Variants in IGDCC3 observed in about 807,000 individuals in gnomAD.
IGDCC3 encodes immunoglobulin superfamily DCC subclass member 3.
IGDCC3 carries 47 observed loss-of-function variants against 72.0 expected under a neutral mutation model. That is an observed-to-expected ratio of 0.65 (90% CI 0.52 to 0.83). The LOEUF (loss-of-function observed/expected upper bound fraction) is 0.83, where lower values mean the gene tolerates loss of function less well. Ranked by LOEUF, IGDCC3 falls within the 40% of genes least tolerant of loss-of-function variation. The pLI, the probability that IGDCC3 is intolerant of heterozygous loss-of-function variation, is 0.00. For missense variants in IGDCC3, 1,038 were observed against 1,091.3 expected, an observed-to-expected ratio of 0.95 and a Z score of 0.69; for synonymous variants, 477 against 472.8, an observed-to-expected ratio of 1.01 and a Z score of -0.11.
At chr15:65,330,790 A>ATCTT (rs1353543522) in intron 9 of IGDCC3, 49 bp from the exon 10 acceptor site, 1 of 1,451,568 alleles carries the variant, frequency 6.9e-7, no homozygotes. Flanking sequence ...TGGAAGCTCT[A>ATCTT]TCTTTCTACC....
intron 2 of IGDCC3, among the ~76,000 whole-genome samples, chr15:65,365,540 A>T (rs544112720): frequency 6.6e-6 from 1 of 152,118 alleles, no homozygotes; most frequent in South Asian, 2.1e-4. Context: ...ACAGGCCCCA[A>T]CCAGGGTTGG....
Position 65,335,941 on chromosome 15 carries a change from T to C in IGDCC3, c.425A>G (p.His142Arg). 1 of 1,614,134 alleles carries C rather than the reference T, an allele frequency of 6.2e-7. No individual in the cohort carries two copies. Among genetic ancestry groups the C allele is most frequent in the South Asian group, 1.1e-5 (1 of 91,090 alleles). ...ACCCACGGTGGCCTGGGGATGCACG[T>C]GGAAGTCCGACATGGCTGGGGGAAG... is the stretch of plus-strand genomic sequence containing the variant. ...RIQAATMSDF[H>R]VHPQATVGEE... Residue 142 changes from histidine to arginine, a missense_variant, in exon 3 of 14, where the codon CAC (histidine) becomes CGC (arginine). Coordinates refer to ENST00000327987, the MANE Select transcript of IGDCC3 (RefSeq NM_004884.4).
intron 2 of IGDCC3, among the ~76,000 whole-genome samples, chr15:65,366,100 C>T (rs566090660): frequency 4.7e-5 from 7 of 150,254 alleles, no homozygotes; most frequent in South Asian, 2.1e-4. Context: ...CCCAGCTACT[C>T]GGGAGGCTGA....
At chr15:65,334,614 C>G in intron 5 of IGDCC3, 114 bp downstream of exon 5, 1 of 1,001,846 alleles carries the variant, frequency 1.0e-6, no homozygotes, top group Non-Finnish European at 1.4e-6. Flanking sequence ...TGGACCCCCA[C>G]AGAGAACAAA....
chr15:65,367,667 C>T (rs1416847733), intron 2 of IGDCC3, among the ~76,000 whole-genome samples: 2 of 152,040 alleles, frequency 1.3e-5, no homozygotes, highest in Admixed American at 6.6e-5. Context: ...AGGGCTTGCC[C>T]CACTCCTCTC....
chr15:65,353,969 G>A (rs572712284), intron 2 of IGDCC3, among the ~76,000 whole-genome samples: 3 of 152,120 alleles, frequency 2.0e-5, no homozygotes, highest in African/African-American at 7.2e-5. Context: ...GCAGTGGCGC[G>A]ATCTCAGTTC....
chr15:65,353,966 C>T (rs1325424829), intron 2 of IGDCC3, among the ~76,000 whole-genome samples: 3 of 152,134 alleles, frequency 2.0e-5, no homozygotes, highest in African/African-American at 4.8e-5. Context: ...AGTGCAGTGG[C>T]GCGATCTCAG....
At chr15:65,376,645 G>GC (rs1476427960) in intron 1 of IGDCC3, among the ~76,000 whole-genome samples, 12 of 136,380 alleles carry the variant, frequency 8.8e-5, no homozygotes, top group Non-Finnish European at 1.7e-4. Flanking sequence ...AAGATGTAAT[G>GC]TTTTAAGACT....
chr15:65,330,962 C>T lies in IGDCC3; in HGVS notation c.1561+88G>A, dbSNP rs368775282. On this transcript the variant is annotated intron_variant, in intron 9 of 13. Coordinates refer to ENST00000327987, the MANE Select transcript of IGDCC3 (RefSeq NM_004884.4). The stretch of plus-strand genomic sequence containing the variant: ...CCTCAGGGCCGGGCACCCTGCACAG[C>T]GCACAACCAGAACAAGTGTGCATGG... 2.0e-5 allele frequency: 30 copies of T among 1,484,920 alleles called. No individual in the cohort carries two copies. The East Asian group carries it at 2.0e-4, about 10-fold the overall frequency. 92.0% of individuals were successfully genotyped at this position (1,484,920 alleles called of 1,614,324 possible). A position where few individuals can be genotyped will look rare whatever the true frequency, so the allele number is the denominator to read the frequency against.
intron 2 of IGDCC3, chr15:65,355,678 C>CCCCAAAA: frequency 3.3e-6 from 1 of 299,226 alleles, no homozygotes; most frequent in Admixed American, 3.3e-5. Flanking sequence ...GCCCCTCCCG[C>CCCCAAAA]ATAGCAATAG....
In IGDCC3 at chr15:65,377,765, A is replaced by G; in HGVS notation, c.24T>C (p.Ser8=). 7.7e-7 allele frequency: 1 copy of G among 1,301,510 alleles called. No individual in the cohort carries two copies. The highest frequency in any genetic ancestry group is 9.7e-7 in the Non-Finnish European group (1 of 1,030,568). The allele number at this position is 1,301,510 out of a possible 1,614,324, so 80.6% of individuals were successfully genotyped here. A position where few individuals can be genotyped will look rare whatever the true frequency, so the allele number is the denominator to read the frequency against. ...AGAGCGGGGCGGGCGGGCGGCGCGG[A>G]GACGCGGCGCGCTGCACAGCCATGG... The part of the protein sequence containing the change: MAVQRAA[S]PRRPPAPLWP... The change falls in exon 1 of 14, where the codon TCT becomes TCC. Residue 8 remains serine, a synonymous_variant. Transcript: ENST00000327987. This position sits in a 1 kb window ranked among gnomAD's most constrained non-coding sequence, Gnocchi z 4.9.
chr15:65,376,507 A>C (rs2091359573), intron 1 of IGDCC3, among the ~76,000 whole-genome samples: 1 of 152,210 alleles, frequency 6.6e-6, no homozygotes, highest in African/African-American at 2.4e-5. Context: ...GCCCCTCCCC[A>C]GCAGACTAGG....
At position 65,332,374 on chromosome 15, in the gene IGDCC3, C is replaced by T. The variant is rs11637113; in HGVS notation, c.983-268G>A. Reference sequence around the variant, plus strand: ...TATTTAAAAGACTGACATTTGTATCCGAAAGCAATCAAGCTGAACTCCCTG... The same window carrying T: ...TATTTAAAAGACTGACATTTGTATCTGAAAGCAATCAAGCTGAACTCCCTG... On this transcript the variant is annotated intron_variant, in intron 6 of 13. Transcript: ENST00000327987. Among the ~76,000 whole-genome samples, 13,258 of 152,146 alleles carry T rather than the reference C, an allele frequency of 0.087. 717 individuals are homozygous for T. Among genetic ancestry groups the T allele is most frequent in the Non-Finnish European group, 0.12 (8,337 of 67,974 alleles).
At chr15:65,349,038 C>G (rs207475558) in intron 2 of IGDCC3, among the ~76,000 whole-genome samples, 1 of 152,190 alleles carries the variant, frequency 6.6e-6, no homozygotes, top group Non-Finnish European at 1.5e-5. Context: ...ACTTTCCCCA[C>G]CCTGCCACAG....
chr15:65,335,500 T>G, intron 3 of IGDCC3, 79 bp from the exon 4 acceptor site: 437 of 1,436,256 alleles, frequency 3.0e-4, no homozygotes, highest in Non-Finnish European at 3.8e-4. Flanking sequence ...GCATCCAAGA[T>G]ACAGCCCAGG....
At chr15:65,353,733 C>T (rs1183117269) in intron 2 of IGDCC3, among the ~76,000 whole-genome samples, 1 of 152,180 alleles carries the variant, frequency 6.6e-6, no homozygotes, top group African/African-American at 2.4e-5. Context: ...CCCACCAGCA[C>T]CATGACAGTT....
In IGDCC3 at chr15:65,329,048, G is replaced by A. The variant is rs2090950474; in HGVS notation, c.2306C>T (p.Thr769Ile). Residue 769 changes from threonine (T) to isoleucine (I), a missense_variant, in exon 14 of 14, where the codon ACC becomes ATC. Thr to Ile is a moderately conservative substitution (Grantham distance 89). Transcript: ENST00000327987. This position sits in a 1 kb window ranked among gnomAD's most constrained non-coding sequence, Gnocchi z 4.1. ...LMEGKTTEAK[T>I]TEATAPCAGL... is the part of the protein sequence containing the mutation. ...GGCGCAGGGAGCCGTGGCCTCTGTG[G>A]TCTTCGCCTCCGTCGTCTTCCCCTC... The A allele has an allele frequency of 1.2e-6, 2 of 1,612,518 alleles. No homozygotes were observed. The highest frequency in any genetic ancestry group is 8.5e-7 in the Non-Finnish European group (1 of 1,179,490).
chr15:65,350,460 CTT>C (rs59350659), intron 2 of IGDCC3, among the ~76,000 whole-genome samples: 24,388 of 136,900 alleles, frequency 0.18, 2,518 homozygotes, highest in Non-Finnish European at 0.25. Context: ...TGAGACTTAG[CTT>C]TTTTTTTTTT....
intron 2 of IGDCC3, among the ~76,000 whole-genome samples, chr15:65,348,926 T>C (rs1464933962): frequency 1.3e-5 from 2 of 152,160 alleles, no homozygotes; most frequent in South Asian, 2.1e-4. Context: ...CAAGAGCTGA[T>C]AGGGTTGCTG....
Sources: gnomAD v4.1 joint callset for allele counts (sites outside exome capture counted in the v4.1 genomes callset) on GRCh38, gnomAD v4.1.1 for gene constraint, Gnocchi (gnomAD v3.1) non-coding constraint, MANE v1.5 for transcripts, NCBI Gene and HGNC (gene_info 2026-07-23, HGNC 2026-07-21) for gene names.